AFTPH: variants seen among roughly 807,000 people sequenced by gnomAD.
The protein encoded by AFTPH is aftiphilin protein.
In AFTPH, 7 loss-of-function variants were observed where a neutral mutation model predicts 72.5. The ratio of observed to expected loss-of-function variants is 0.10; its 90% CI spans 0.05 to 0.18. The LOEUF is 0.18. AFTPH is among the 10% of genes least tolerant of loss of function. The pLI, the probability that AFTPH is intolerant of heterozygous loss-of-function variation, is 1.00. For missense variants in AFTPH, 979 were observed against 1,060.5 expected (o/e 0.92, Z 1.07); for synonymous variants, 337 against 370.1 (o/e 0.91, Z 1.03).
chr2:64,576,241 A>G (rs1372635076), intron 6 of AFTPH, among the ~76,000 whole-genome samples: 1 of 150,896 alleles, frequency 6.6e-6, no homozygotes. Flanking sequence ...CTTTTTGGCC[A>G]TGCAGGAAGT....
At chr2:64,546,193 C>CT (rs11413248) in intron 1 of AFTPH, among the ~76,000 whole-genome samples, 54,892 of 148,312 alleles carry the variant, frequency 0.37, 10,078 homozygotes, top group African/African-American at 0.45. Flanking sequence ...GCACCCAGCC[C>CT]TTTTTTTTTT....
chr2:64,544,133 T>C (rs1225785645), intron 1 of AFTPH, among the ~76,000 whole-genome samples: 3 of 152,186 alleles, frequency 2.0e-5, no homozygotes, highest in African/African-American at 7.2e-5. Context: ...CGGCTTCAGT[T>C]TGCACTTCTA....
intron 1 of AFTPH, among the ~76,000 whole-genome samples, chr2:64,529,497 G>A (rs978521725): frequency 1.3e-5 from 2 of 151,468 alleles, no homozygotes; most frequent in East Asian, 3.9e-4. Flanking sequence ...CTTTTACTCA[G>A]TTCTACCACA....
At chr2:64,541,429 G>GA (rs1313699217) in intron 1 of AFTPH, among the ~76,000 whole-genome samples, 2 of 151,970 alleles carry the variant, frequency 1.3e-5, no homozygotes, top group Non-Finnish European at 2.9e-5. Flanking sequence ...AAGAACAAAA[G>GA]AAAAAACACC....
chr2:64,580,210 A>G (rs140060632), intron 7 of AFTPH: 1 of 152,676 alleles, frequency 6.5e-6, no homozygotes, highest in Non-Finnish European at 1.5e-5. Flanking sequence ...GTTAGTTTCT[A>G]GTATTGACAC....
At chr2:64,583,718 C>A (rs984546397) in intron 7 of AFTPH, among the ~76,000 whole-genome samples, 3 of 152,130 alleles carry the variant, frequency 2.0e-5, no homozygotes, top group African/African-American at 7.2e-5. Flanking sequence ...ATTACAGGAA[C>A]ACAAAGGAAA....
At chr2:64,569,805 A>G (rs1206450869) in intron 5 of AFTPH, 126 bp downstream of exon 5, 4 of 768,128 alleles carry the variant, frequency 5.2e-6, no homozygotes, top group Non-Finnish European at 6.2e-6. Flanking sequence ...AAGGGTATAA[A>G]TAGATCTTTT....
chr2:64,580,405 A>G (rs1673120757), intron 7 of AFTPH: 1 of 152,676 alleles, frequency 6.5e-6, no homozygotes, highest in Non-Finnish European at 1.5e-5. Flanking sequence ...TTGAATTAAT[A>G]TAGTGCTGAA....
intron 1 of AFTPH, among the ~76,000 whole-genome samples, chr2:64,548,433 A>AAAAAC (rs1243472946): frequency 0.027 from 2,731 of 102,516 alleles, 338 homozygotes; most frequent in Non-Finnish European, 0.033. Flanking sequence ...AAAAAAAAAA[A>AAAAAC]AACTTTAGAA....
intron 1 of AFTPH, among the ~76,000 whole-genome samples, chr2:64,529,489 T>C (rs1223936666): frequency 6.6e-6 from 1 of 152,132 alleles, no homozygotes; most frequent in East Asian, 1.9e-4. Context: ...TGTGACTCCT[T>C]TTACTCAGTT....
chr2:64,574,449 A>G (rs1672647627), intron 6 of AFTPH, among the ~76,000 whole-genome samples: 1 of 152,158 alleles, frequency 6.6e-6, no homozygotes, highest in South Asian at 2.1e-4. Context: ...ATTTTAATTC[A>G]TTTCTCAAAT....
At chr2:64,562,471 T>C (rs928632058) in intron 2 of AFTPH, among the ~76,000 whole-genome samples, 2 of 152,058 alleles carry the variant, frequency 1.3e-5, no homozygotes, top group African/African-American at 4.8e-5. Context: ...AACTTAGAAC[T>C]GCTTTGATGA....
chr2:64,553,363 G>C (rs1671164559), exon 2 of AFTPH: 1 of 1,604,674 alleles, frequency 6.2e-7, no homozygotes. Flanking sequence ...ACTTCCAAAG[G>C]AGCAGTTGCT....
At chr2:64,581,885 T>C (rs1673227250) in intron 7 of AFTPH, among the ~76,000 whole-genome samples, 1 of 152,124 alleles carries the variant, frequency 6.6e-6, no homozygotes, top group Non-Finnish European at 1.5e-5. Flanking sequence ...GTTACAAAAG[T>C]TAATAGTAGA....
chr2:64,541,200 T>C (rs1670231679), intron 1 of AFTPH, among the ~76,000 whole-genome samples: 1 of 152,170 alleles, frequency 6.6e-6, no homozygotes, highest in Admixed American at 6.5e-5. Context: ...TGGCCCATAG[T>C]AAGCACTCAA....
At chr2:64,575,050 TCCTCCATCTAACCA>T (rs1672677573) in intron 6 of AFTPH, among the ~76,000 whole-genome samples, 1 of 152,242 alleles carries the variant, frequency 6.6e-6, no homozygotes, top group Admixed American at 6.5e-5. Flanking sequence ...GCTTGCTTCC[TCCTCCATCTAACCA>T]CTTCCACCTT....
chr2:64,592,187 A>C, exon 9 of AFTPH: 1 of 646,580 alleles, frequency 1.5e-6, no homozygotes, highest in Non-Finnish European at 2.4e-6. Context: ...TATACATAGT[A>C]ATGTATATTT....
intron 5 of AFTPH, among the ~76,000 whole-genome samples, chr2:64,572,443 G>C (rs987701216): frequency 6.6e-6 from 1 of 152,092 alleles, no homozygotes; most frequent in African/African-American, 2.4e-5. Flanking sequence ...TCTCACCATG[G>C]GGTAATGTGT....
At chr2:64,592,115 TA>T (rs35699964) in exon 9 of AFTPH, 81,592 of 838,974 alleles carry the variant, frequency 0.097, 2 homozygotes, top group Non-Finnish European at 0.1. Context: ...CTGCTCTAAT[TA>T]AAAAAAAAAA....
Sources: gnomAD v4.1 joint callset for allele counts (sites outside exome capture counted in the v4.1 genomes callset) on GRCh38, gnomAD v4.1.1 for gene constraint, MANE v1.5 for transcripts, NCBI Gene and HGNC (gene_info 2026-07-23, HGNC 2026-07-21) for gene names.